The following IFT140 variants were observed in gnomAD, a reference collection of about 807,000 sequenced individuals.
IFT140 encodes intraflagellar transport 140.
A neutral mutation model predicts 164.6 loss-of-function variants in IFT140; 133 were observed. That is an observed-to-expected ratio of 0.81 (90% CI 0.70 to 0.93). IFT140 has a LOEUF of 0.93. IFT140 is among the 40% of genes least tolerant of loss of function. IFT140 has a pLI of 0.00. For missense variants in IFT140, 2,045 were observed against 1,972.3 expected, an observed-to-expected ratio of 1.04 and a Z score of -0.70; for synonymous variants, 860 against 817.3, an observed-to-expected ratio of 1.05 and a Z score of -0.89.
intron 19 of IFT140, among the ~76,000 whole-genome samples, chr16:1,552,083 C>T (rs2032694103): frequency 6.6e-6 from 1 of 152,190 alleles, no homozygotes; most frequent in African/African-American, 2.4e-5. Flanking sequence ...TCCCTTTCCA[C>T]TGTTCCATTC....
intron 24 of IFT140, 106 bp downstream of exon 24, chr16:1,524,446 C>T (rs1222173079): frequency 6.9e-7 from 1 of 1,450,772 alleles, no homozygotes. Flanking sequence ...CAGACACTGG[C>T]CGGACCACGT....
chr16:1,545,644 C>T (rs529696083), intron 19 of IFT140, among the ~76,000 whole-genome samples: 4 of 152,150 alleles, frequency 2.6e-5, no homozygotes, highest in Admixed American at 6.5e-5. Context: ...TCCCAGGGCT[C>T]GGCAGAGGTG....
chr16:1,582,650 T>C (rs2034634172), intron 12 of IFT140, among the ~76,000 whole-genome samples: 1 of 152,244 alleles, frequency 6.6e-6, no homozygotes, highest in Non-Finnish European at 1.5e-5. Flanking sequence ...ACGCCTGTAA[T>C]CACACCACTT....
At chr16:1,602,826 G>A (rs1016688585) in intron 3 of IFT140, among the ~76,000 whole-genome samples, 1 of 152,114 alleles carries the variant, frequency 6.6e-6, no homozygotes, top group African/African-American at 2.4e-5. Context: ...TGTAGTCCCA[G>A]CTACTCGGGA....
intron 12 of IFT140, among the ~76,000 whole-genome samples, chr16:1,583,028 G>A (rs1473175881): frequency 6.6e-6 from 1 of 151,516 alleles, no homozygotes; most frequent in East Asian, 1.9e-4. Flanking sequence ...TCTCACTGCT[G>A]TGCATGGTCT....
At position 1,610,702 on chromosome 16, in the gene IFT140, A is replaced by G. The variant is rs768946284; in HGVS notation, c.-70T>C. ...CTGAGCCGCCGCGCGTTGCCGGGAC[A>G]ACGGCGCGCCAGGAACGCGGAAATA... On this transcript the variant is annotated 5_prime_UTR_variant, in exon 2 of 31. Coordinates refer to ENST00000426508, the MANE Select transcript of IFT140 (RefSeq NM_014714.4). 6 of 152,894 alleles carry G rather than the reference A, an allele frequency of 3.9e-5. No homozygotes were observed. The highest frequency in any genetic ancestry group is 2.1e-4 in the South Asian group (1 of 4,868). The allele number at this position is 152,894 out of a possible 1,614,324, so 9.5% of individuals were successfully genotyped here. A position where few individuals can be genotyped will look rare whatever the true frequency, so the allele number is the denominator to read the frequency against.
intron 29 of IFT140, among the ~76,000 whole-genome samples, chr16:1,518,635 G>A (rs1001993688): frequency 6.6e-6 from 1 of 151,892 alleles, no homozygotes; most frequent in Non-Finnish European, 1.5e-5. Context: ...GTCCAGAGGG[G>A]GCTAGAAACC....
intron 19 of IFT140, chr16:1,541,885 T>C (rs1162971651): frequency 1.3e-6 from 2 of 1,551,762 alleles, no homozygotes; most frequent in Admixed American, 1.8e-5. Context: ...GGAGCCCACC[T>C]GCACTCACCA....
At chr16:1,565,788 T>C (rs1205729459) in intron 16 of IFT140, among the ~76,000 whole-genome samples, 8 of 152,242 alleles carry the variant, frequency 5.3e-5, no homozygotes, top group African/African-American at 1.7e-4. Flanking sequence ...AGACAGACGA[T>C]TGTTCTCCCC....
rs1032083981 is a variant in IFT140, at chr16:1,551,576, G to A, written c.2399+6359C>T. Among the ~76,000 whole-genome samples the A allele has an allele frequency of 5.9e-5, 9 of 152,146 alleles. No homozygotes were observed. The highest frequency in any genetic ancestry group is 1.7e-4 in the African/African-American group (7 of 41,422). Reference sequence around the variant, plus strand: ...AGGGTGCAGCGGTGGAGGGAGGGCCGCCTGCATCAGTATCCCCAGCAAGGT... The same window carrying A: ...AGGGTGCAGCGGTGGAGGGAGGGCCACCTGCATCAGTATCCCCAGCAAGGT... On this transcript the variant is annotated intron_variant, in intron 19 of 30. Transcript: ENST00000426508. The surrounding 1 kb of genome is among the most constrained non-coding windows in gnomAD (Gnocchi z 4.0).
intron 19 of IFT140, chr16:1,555,143 G>A: frequency 2.2e-6 from 3 of 1,334,494 alleles, no homozygotes; most frequent in Non-Finnish European, 2.0e-6. Flanking sequence ...GGATGAGTCT[G>A]GGTGACCTCT....
intron 22 of IFT140, 42 bp from the exon 23 acceptor site, chr16:1,524,958 G>T: frequency 6.3e-7 from 1 of 1,574,938 alleles, no homozygotes. Flanking sequence ...CCCGAGCCCC[G>T]CTCCAACCCG....
intron 19 of IFT140, among the ~76,000 whole-genome samples, chr16:1,544,722 C>T (rs2032000432): frequency 6.6e-6 from 1 of 151,886 alleles, no homozygotes; most frequent in Admixed American, 6.6e-5. Flanking sequence ...GATCTCGGCT[C>T]ACTGCAAGCT....
At position 1,562,037 on chromosome 16, in the gene IFT140, G is replaced by A. The variant is rs1215064009; in HGVS notation, c.2147C>T (p.Thr716Ile). ...LLHESFPRPA[T>I]SHSLLGMEVP... is the part of the protein sequence containing the mutation. Reference sequence around the variant, plus strand: ...TTCCATCCCCAGGAGACTGTGGGAGGTGGCAGGCCGGGGGAAGCTCTCATG... The same window carrying A: ...TTCCATCCCCAGGAGACTGTGGGAGATGGCAGGCCGGGGGAAGCTCTCATG... Residue 716 changes from threonine to isoleucine, a missense_variant, in exon 18 of 31, where the codon ACC (threonine) becomes ATC (isoleucine). Coordinates refer to ENST00000426508, the MANE Select transcript of IFT140 (RefSeq NM_014714.4). 1 of 1,612,154 alleles carries A rather than the reference G, an allele frequency of 6.2e-7. No homozygotes were observed. The highest frequency in any genetic ancestry group is 8.5e-7 in the Non-Finnish European group (1 of 1,179,182).
At chr16:1,602,967 C>T (rs2035872081) in intron 3 of IFT140, among the ~76,000 whole-genome samples, 1 of 152,104 alleles carries the variant, frequency 6.6e-6, no homozygotes, top group South Asian at 2.1e-4. Context: ...ACAAACAAAA[C>T]TTCTGTGTGA....
chr16:1,560,675 G>A (rs2033356302), intron 18 of IFT140, among the ~76,000 whole-genome samples: 1 of 152,222 alleles, frequency 6.6e-6, no homozygotes, highest in African/African-American at 2.4e-5. Flanking sequence ...TCCCTCTGGG[G>A]TCTACGCTCC....
chr16:1,544,578 C>G (rs1051571925), intron 19 of IFT140, among the ~76,000 whole-genome samples: 1 of 151,992 alleles, frequency 6.6e-6, no homozygotes, highest in Admixed American at 6.5e-5. Context: ...GATCCACCCA[C>G]CTCAGCCTCC....
intron 1 of IFT140, 100 bp from the exon 2 acceptor site, chr16:1,610,953 G>C (rs1177114653): frequency 6.6e-6 from 1 of 152,314 alleles, no homozygotes; most frequent in East Asian, 1.9e-4. Context: ...TCACAGCCCC[G>C]ATCAACCGCG....
chr16:1,557,990 A>T lies in IFT140; in HGVS notation c.2344T>A (p.Phe782Ile), dbSNP rs779694083. Residue 782 changes from phenylalanine (F) to isoleucine (I), a missense_variant, in exon 19 of 31, where the codon TTT becomes ATT. By Grantham distance (21) the Phe-to-Ile change is conservative. Coordinates refer to ENST00000426508, the MANE Select transcript of IFT140 (RefSeq NM_014714.4). ...TRDAMLHFSF[F>I]VTIGDMDEAF... ...TCGTCCATGTCTCCTATGGTGACAA[A>T]GAAGCTGAAGTGGAGCATGGCGTCC... 1.9e-6 allele frequency: 3 copies of T among 1,613,938 alleles called. No individual in the cohort carries two copies. The South Asian group carries it at 3.3e-5, about 18-fold the overall frequency.
Sources: gnomAD v4.1 joint callset for allele counts (sites outside exome capture counted in the v4.1 genomes callset) on GRCh38, gnomAD v4.1.1 for gene constraint, Gnocchi (gnomAD v3.1) non-coding constraint, MANE v1.5 for transcripts, NCBI Gene and HGNC (gene_info 2026-07-23, HGNC 2026-07-21) for gene names.